Variants in ADI1 observed in about 807,000 individuals in gnomAD.
The protein encoded by ADI1 is acireductone dioxygenase 1.
A neutral mutation model predicts 18.7 loss-of-function variants in ADI1; 21 were observed. The ratio of observed to expected loss-of-function variants is 1.13; its 90% confidence interval spans 0.80 to 1.62. ADI1 has a LOEUF of 1.62. Ranked by LOEUF, ADI1 falls within the 40% of genes most tolerant of loss-of-function variation. The pLI is 0.00. For synonymous variants in ADI1, 90 were observed against 100.1 expected, an observed-to-expected ratio of 0.90 and a Z score of 0.60; for missense variants, 245 against 254.9, an observed-to-expected ratio of 0.96 and a Z score of 0.26.
At chr2:3,519,337 C>T in intron 1 of ADI1, 31 bp downstream of exon 1, 3 of 1,391,262 alleles carry the variant, frequency 2.2e-6, no homozygotes, top group Non-Finnish European at 2.8e-6. Flanking sequence ...CGGCGTCGCC[C>T]GCACGCTCTG....
At chr2:3,510,710 GAAAC>G (rs1245998925) in intron 2 of ADI1, among the ~76,000 whole-genome samples, 3 of 152,078 alleles carry the variant, frequency 2.0e-5, no homozygotes, top group African/African-American at 7.2e-5. Context: ...TGCCTTGAGA[GAAAC>G]AAACAAATAA....
intron 2 of ADI1, among the ~76,000 whole-genome samples, chr2:3,502,949 C>T (rs1195491623): frequency 6.6e-6 from 1 of 151,974 alleles, no homozygotes; most frequent in African/African-American, 2.4e-5. Flanking sequence ...AGCCAGGCCT[C>T]TCACAGTGAG....
chr2:3,516,574 G>T, intron 1 of ADI1: 1 of 310,570 alleles, frequency 3.2e-6, no homozygotes, highest in Non-Finnish European at 4.7e-6. Context: ...CCGTCTATGA[G>T]GACAGGATCC....
At chr2:3,513,780 AAAAG>A in intron 2 of ADI1, 73 bp downstream of exon 2, 1 of 1,458,582 alleles carries the variant, frequency 6.9e-7, no homozygotes, top group Non-Finnish European at 9.1e-7. Flanking sequence ...ATTAAAAGAA[AAAAG>A]AAAGAAAATA....
Position 3,519,453 on chromosome 2 carries a change from C to A in ADI1, c.35G>T (p.Gly12Val). The change falls in exon 1 of 4, where the codon GGC becomes GTC. Residue 12 changes from glycine to valine, a missense_variant. Transcript: ENST00000327435. ...VQAWYMDDAPGDPRQPHRPDP... is the reference protein window; with the variant it reads ...VQAWYMDDAPVDPRQPHRPDP... Reference sequence around the variant, plus strand: ...GGGGCGGTGGGGTTGCCGCGGGTCGCCCGGGGCGTCGTCCATATACCAGGC... The same window carrying A: ...GGGGCGGTGGGGTTGCCGCGGGTCGACCGGGGCGTCGTCCATATACCAGGC... 1 of 1,355,424 alleles carries A rather than the reference C, an allele frequency of 7.4e-7. No individual in the cohort carries two copies. The highest frequency in any genetic ancestry group is 1.5e-5 in the African/African-American group (1 of 65,432). 84.0% of individuals were successfully genotyped at this position (1,355,424 alleles called of 1,614,324 possible). A position where few individuals can be genotyped will look rare whatever the true frequency, so the allele number is the denominator to read the frequency against.
At chr2:3,508,334 C>CAAA (rs33977448) in intron 2 of ADI1, among the ~76,000 whole-genome samples, 3 of 26,922 alleles carry the variant, frequency 1.1e-4, no homozygotes, top group African/African-American at 1.6e-4. Flanking sequence ...GACTCTGTCT[C>CAAA]AAAAAAAAAA....
intron 2 of ADI1, among the ~76,000 whole-genome samples, chr2:3,513,529 A>G (rs1157556466): frequency 1.3e-5 from 2 of 152,130 alleles, no homozygotes; most frequent in African/African-American, 4.8e-5. Context: ...CTGGTCATTT[A>G]AAACAGTGTG....
intron 2 of ADI1, among the ~76,000 whole-genome samples, chr2:3,503,215 GCA>G (rs1414738779): frequency 1.7e-5 from 2 of 114,958 alleles, no homozygotes; most frequent in South Asian, 4.9e-4. Context: ...TCACACACAT[GCA>G]CACACGTAAC....
Position 3,513,823 on chromosome 2 carries a change from T to TA in ADI1, c.240+33dup, listed in dbSNP as rs745801363. The stretch of plus-strand genomic sequence containing the variant: ...CGTCTATTAGTAGTGAATATAATGA[T>TA]ACTTCTTTTCCAGGTAATCCAGGGC... On this transcript the variant is annotated intron_variant, in intron 2 of 3. Coordinates refer to ENST00000327435, the MANE Select transcript of ADI1 (RefSeq NM_018269.4). 2.0e-5 allele frequency: 32 copies of TA among 1,572,836 alleles called. 1 individual carries two copies. In the African/African-American group the frequency reaches 3.7e-4, roughly 18 times the overall value.
rs549881343 is a variant in ADI1, at chr2:3,498,059, C to A, written c.*904G>T. The A allele has an allele frequency of 6.6e-6, 1 of 152,232 alleles. No homozygotes were observed. The highest frequency in any genetic ancestry group is 2.1e-4 in the South Asian group (1 of 4,812). The allele number at this position is 152,232 out of a possible 1,614,324, so 9.4% of individuals were successfully genotyped here. On this transcript the variant is annotated 3_prime_UTR_variant, in exon 4 of 4. Coordinates refer to ENST00000327435, the MANE Select transcript of ADI1 (RefSeq NM_018269.4). ...ACAGAGTTTACTTAAACATTTAAGG[C>A]TTGAGTTTCCTCTGTACAGTGTGGA... is the stretch of plus-strand genomic sequence containing the variant.
intron 1 of ADI1, chr2:3,514,694 C>T: frequency 7.3e-7 from 1 of 1,362,100 alleles, no homozygotes; most frequent in Non-Finnish European, 9.9e-7. Context: ...CGAAGCACTT[C>T]CCTGATGAAG....
intron 2 of ADI1, among the ~76,000 whole-genome samples, chr2:3,503,168 T>C (rs531340492): frequency 1.7e-4 from 25 of 151,294 alleles, no homozygotes; most frequent in Admixed American, 1.4e-3. Context: ...CTCACATGCG[T>C]ACATTCACAC....
intron 2 of ADI1, among the ~76,000 whole-genome samples, chr2:3,503,139 GCA>G (rs1317322097): frequency 2.3e-4 from 35 of 151,184 alleles, no homozygotes; most frequent in Middle Eastern, 6.9e-3. Flanking sequence ...ACCTACACAC[GCA>G]CACACACGTA....
At chr2:3,506,080 G>C (rs1667169899) in intron 2 of ADI1, among the ~76,000 whole-genome samples, 1 of 152,176 alleles carries the variant, frequency 6.6e-6, no homozygotes, top group Admixed American at 6.5e-5. Context: ...AGGAGAGGAA[G>C]GGAAACCCCA....
intron 2 of ADI1, among the ~76,000 whole-genome samples, chr2:3,506,018 T>A (rs1395989161): frequency 6.6e-6 from 1 of 152,216 alleles, no homozygotes; most frequent in Non-Finnish European, 1.5e-5. Flanking sequence ...GTTTGTTGTT[T>A]AAGCCACCCA....
chr2:3,517,484 G>C (rs563583720), intron 1 of ADI1: 1 of 152,300 alleles, frequency 6.6e-6, no homozygotes, highest in Admixed American at 6.5e-5. Context: ...AAAGCATATA[G>C]GCCGGGTGCG....
chr2:3,518,213 G>C (rs1433442853), intron 1 of ADI1, among the ~76,000 whole-genome samples: 1 of 152,194 alleles, frequency 6.6e-6, no homozygotes, highest in African/African-American at 2.4e-5. Context: ...TTTCGCACTG[G>C]TATGCCAATT....
intron 2 of ADI1, among the ~76,000 whole-genome samples, chr2:3,502,450 CTTTTT>C (rs35773710): frequency 8.4e-5 from 11 of 130,748 alleles, no homozygotes; most frequent in Admixed American, 2.3e-4. Context: ...GGAAATAGCT[CTTTTT>C]TTTTTTTTTT....
intron 2 of ADI1, among the ~76,000 whole-genome samples, chr2:3,510,314 A>C (rs1198394906): frequency 6.6e-6 from 1 of 152,140 alleles, no homozygotes; most frequent in African/African-American, 2.4e-5. Flanking sequence ...AGTAATAATA[A>C]TAATAATGTC....
Sources: allele counts gnomAD v4.1 joint callset (sites outside exome capture counted in the v4.1 genomes callset), GRCh38; gene constraint gnomAD v4.1.1; transcripts MANE v1.5; gene names NCBI Gene and HGNC (gene_info 2026-07-23, HGNC 2026-07-21).